The following TEX36 variants were observed in gnomAD, a reference collection of about 807,000 sequenced individuals.
TEX36 encodes testis expressed 36.
TEX36 carries 12 observed loss-of-function variants against 13.6 expected under a neutral mutation model. The observed-to-expected ratio is 0.88, with a 90% confidence interval of 0.56 to 1.43. The LOEUF is 1.43. Ranked by LOEUF, TEX36 falls within the 40% of genes most tolerant of loss-of-function variation. The pLI, the probability that TEX36 is intolerant of heterozygous loss-of-function variation, is 0.00. For missense variants in TEX36, 224 were observed against 228.3 expected (o/e 0.98, Z 0.12); for synonymous variants, 93 against 83.0 (o/e 1.12, Z -0.65).
At chr10:125,641,594 C>A (rs1427976205) in intron 3 of TEX36, among the ~76,000 whole-genome samples, 1 of 152,190 alleles carries the variant, frequency 6.6e-6, no homozygotes, top group Non-Finnish European at 1.5e-5. Context: ...TCAGATGGCA[C>A]AAGTCCAACT....
intron 3 of TEX36, among the ~76,000 whole-genome samples, chr10:125,587,749 C>T (rs1441936660): frequency 1.3e-5 from 2 of 149,622 alleles, no homozygotes; most frequent in East Asian, 3.9e-4. Flanking sequence ...TCTCACCAGC[C>T]TGGGCTACAA....
At chr10:125,654,272 C>G (rs975691251), downstream of TEX36, among the ~76,000 whole-genome samples, 2 of 152,056 alleles carry the variant, frequency 1.3e-5, no homozygotes, top group Admixed American at 6.5e-5. Context: ...TCTCATGCAT[C>G]TGCCAAAACC....
chr10:125,612,693 ACAT>A (rs1565174243), intron 3 of TEX36, among the ~76,000 whole-genome samples: 1 of 152,106 alleles, frequency 6.6e-6, no homozygotes, highest in Non-Finnish European at 1.5e-5. Flanking sequence ...AAGCAGGCAA[ACAT>A]CATACCTAAA....
At chr10:125,637,707 G>T (rs575806977) in intron 3 of TEX36, among the ~76,000 whole-genome samples, 5 of 152,066 alleles carry the variant, frequency 3.3e-5, no homozygotes, top group African/African-American at 1.2e-4. Context: ...TGACTCAGCC[G>T]GTCCAGTGGG....
chr10:125,614,750 G>T (rs1846335962), intron 3 of TEX36, among the ~76,000 whole-genome samples: 1 of 152,204 alleles, frequency 6.6e-6, no homozygotes, highest in Non-Finnish European at 1.5e-5. Flanking sequence ...GCTTAGGATT[G>T]ACTTGGCGAT....
intron 1 of TEX36, among the ~76,000 whole-genome samples, chr10:125,662,673 C>T (rs1233582053): frequency 1.3e-5 from 2 of 152,084 alleles, no homozygotes; most frequent in Admixed American, 1.3e-4. Context: ...CATTGGGTGG[C>T]CACTCAGAGC....
intron 3 of TEX36, among the ~76,000 whole-genome samples, chr10:125,591,347 T>G (rs1166645450): frequency 6.6e-6 from 1 of 152,172 alleles, no homozygotes. Flanking sequence ...TTAAATTCAA[T>G]GTAGTCCCCA....
intron 3 of TEX36, among the ~76,000 whole-genome samples, chr10:125,585,287 A>G (rs1845929769): frequency 6.6e-6 from 1 of 152,028 alleles, no homozygotes; most frequent in South Asian, 2.1e-4. Flanking sequence ...TACCTGCCCA[A>G]TTCCCTCCTG....
chr10:125,584,637 A>AGT (rs1251102712), intron 3 of TEX36, among the ~76,000 whole-genome samples: 1 of 152,170 alleles, frequency 6.6e-6, no homozygotes, highest in Admixed American at 6.5e-5. Flanking sequence ...CCAATGGAAT[A>AGT]GTGTACTTGT....
At chr10:125,667,064 G>T in intron 1 of TEX36, 2 of 1,380,482 alleles carry the variant, frequency 1.4e-6, no homozygotes, top group East Asian at 2.4e-5. Flanking sequence ...TCGGCCATAG[G>T]AGAAGGTCAC....
intron 3 of TEX36, among the ~76,000 whole-genome samples, chr10:125,585,680 G>A (rs998655003): frequency 6.6e-6 from 1 of 152,158 alleles, no homozygotes; most frequent in African/African-American, 2.4e-5. Flanking sequence ...GGCTTTCTGG[G>A]TTCCCCCACA....
At chr10:125,658,661 T>C (rs1273703510) in intron 3 of TEX36, among the ~76,000 whole-genome samples, 1 of 152,104 alleles carries the variant, frequency 6.6e-6, no homozygotes, top group Admixed American at 6.5e-5. Context: ...GTGAGAATCT[T>C]AGATTATACT....
chr10:125,626,448 G>A (rs1334515783), intron 3 of TEX36, among the ~76,000 whole-genome samples: 2 of 152,182 alleles, frequency 1.3e-5, no homozygotes, highest in East Asian at 1.9e-4. Flanking sequence ...TTTCATGCAT[G>A]TTATCTCATT....
chr10:125,603,397 T>TA (rs1846174607), intron 3 of TEX36, among the ~76,000 whole-genome samples: 2 of 152,152 alleles, frequency 1.3e-5, no homozygotes, highest in Non-Finnish European at 2.9e-5. Context: ...CTGCACCTCT[T>TA]AGTGGTCCCC....
At chr10:125,614,546 C>A (rs982620053) in intron 3 of TEX36, among the ~76,000 whole-genome samples, 4 of 152,090 alleles carry the variant, frequency 2.6e-5, no homozygotes, top group East Asian at 3.8e-4. Flanking sequence ...GGAATCCTTT[C>A]CCCATTGCTT....
chr10:125,595,286 AC>A (rs143990405), intron 3 of TEX36, among the ~76,000 whole-genome samples: 4 of 151,292 alleles, frequency 2.6e-5, no homozygotes, highest in African/African-American at 4.9e-5. Context: ...CATAAAAATC[AC>A]CCCCCCACCA....
intron 3 of TEX36, among the ~76,000 whole-genome samples, chr10:125,635,015 T>C (rs1190349536): frequency 3.9e-5 from 6 of 152,170 alleles, no homozygotes; most frequent in Non-Finnish European, 5.9e-5. Flanking sequence ...AGGTCTTCCC[T>C]TAAGCAAGGC....
At chr10:125,622,217 G>T (rs180877506) in intron 3 of TEX36, among the ~76,000 whole-genome samples, 1 of 152,048 alleles carries the variant, frequency 6.6e-6, no homozygotes, top group Non-Finnish European at 1.5e-5. Context: ...GCTATCCTTC[G>T]TACAACAAGA....
chr10:125,576,645 T>C (rs1845827545), exon 4 of TEX36: 2 of 1,399,514 alleles, frequency 1.4e-6, no homozygotes, highest in African/African-American at 2.9e-5. Context: ...TGGTGGTTAC[T>C]AACTAGCTAG....
Sources: gnomAD v4.1 joint callset for allele counts (sites outside exome capture counted in the v4.1 genomes callset) on GRCh38, gnomAD v4.1.1 for gene constraint, MANE v1.5 for transcripts, NCBI Gene and HGNC (gene_info 2026-07-23, HGNC 2026-07-21) for gene names.